The following GPHN variants were observed in gnomAD, a reference collection of about 807,000 sequenced individuals.
GPHN encodes gephyrin.
Under a neutral mutation model 95.5 loss-of-function variants are expected in GPHN, and 17 were observed. That is an observed-to-expected ratio of 0.18 (90% CI 0.12 to 0.27). The LOEUF (loss-of-function observed/expected upper bound fraction) is 0.27, where lower values mean the gene tolerates loss of function less well. Ranked by LOEUF, GPHN falls within the 10% of genes least tolerant of loss-of-function variation. GPHN has a pLI of 1.00. For synonymous variants in GPHN, 320 were observed against 322.5 expected (o/e 0.99, Z 0.08); for missense variants, 660 against 978.1 (o/e 0.67, Z 4.34).
At chr14:67,468,264 G>A in the GPHN span, among the ~76,000 whole-genome samples, 1 of 152,146 alleles carries the variant, frequency 6.6e-6, no homozygotes, top group Admixed American at 6.5e-5. Flanking sequence ...TTGAGCCACC[G>A]CACCTGGCCA....
chr14:67,288,023 G>C, the GPHN span, among the ~76,000 whole-genome samples: 1 of 152,288 alleles, frequency 6.6e-6, no homozygotes, highest in African/African-American at 2.4e-5. Context: ...ATTTCAGTCA[G>C]TGGTGAAATC....
intron 1 of GPHN, among the ~76,000 whole-genome samples, chr14:66,531,740 C>T (rs968006075): frequency 6.6e-6 from 1 of 152,120 alleles, no homozygotes; most frequent in Non-Finnish European, 1.5e-5. Flanking sequence ...GCTAAAACTA[C>T]TAAGTATTTA....
the GPHN span, chr14:67,224,043 A>C: frequency 1.1e-6 from 1 of 936,874 alleles, no homozygotes; most frequent in African/African-American, 1.8e-5. Flanking sequence ...CATCTGATTC[A>C]CATTCACCCA....
At chr14:67,591,413 A>C in the GPHN span, among the ~76,000 whole-genome samples, 4 of 152,238 alleles carry the variant, frequency 2.6e-5, no homozygotes, top group African/African-American at 4.8e-5. Flanking sequence ...TACAATGCAA[A>C]ATAATTTTTG....
intron 1 of GPHN, among the ~76,000 whole-genome samples, chr14:66,561,083 G>A (rs1157111599): frequency 1.3e-5 from 2 of 152,126 alleles, no homozygotes. Context: ...TGCATCCCAG[G>A]GATGAAGCCC....
intron 3 of GPHN, among the ~76,000 whole-genome samples, chr14:66,777,505 G>A (rs865958219): frequency 6.6e-5 from 10 of 152,074 alleles, no homozygotes; most frequent in Non-Finnish European, 1.3e-4. Flanking sequence ...CCAAAGCCGG[G>A]CAGAGACACA....
chr14:67,026,577 A>G (rs1440883334), intron 10 of GPHN, among the ~76,000 whole-genome samples: 1 of 152,222 alleles, frequency 6.6e-6, no homozygotes, highest in East Asian at 1.9e-4. Context: ...TGTATATGGT[A>G]AATGGTATAT....
chr14:67,717,330 T>C, the GPHN span, among the ~76,000 whole-genome samples: 2 of 152,270 alleles, frequency 1.3e-5, no homozygotes, highest in South Asian at 4.1e-4. Context: ...ATCCCAGCCA[T>C]TGTAGACTAA....
In GPHN at chr14:66,824,667, A is replaced by G. The variant is rs2061329142; in HGVS notation, c.294+101A>G. ...TATTATTTTTATAACTTTGCTAGGCATAACAAATGACTTGTAGTTCTAATA... is the reference window on the plus strand; with the variant it reads ...TATTATTTTTATAACTTTGCTAGGCGTAACAAATGACTTGTAGTTCTAATA... On this transcript the variant is annotated intron_variant, in intron 4 of 22. Coordinates refer to ENST00000478722, the MANE Select transcript of GPHN (RefSeq NM_020806.5). 3 of 644,110 alleles carry G rather than the reference A, an allele frequency of 4.7e-6. 1 individual carries two copies. In the South Asian group the frequency reaches 5.6e-5, roughly 12 times the overall value. The allele number at this position is 644,110 out of a possible 1,614,324, so 39.9% of individuals were successfully genotyped here.
chr14:66,959,021 T>C (rs768663931), intron 8 of GPHN, among the ~76,000 whole-genome samples: 6 of 152,154 alleles, frequency 3.9e-5, no homozygotes, highest in Non-Finnish European at 8.8e-5. Context: ...CCCTGGGAAT[T>C]ACAATTAACA....
intron 1 of GPHN, among the ~76,000 whole-genome samples, chr14:66,678,570 T>G (rs753987103): frequency 3.3e-5 from 5 of 152,048 alleles, no homozygotes; most frequent in Non-Finnish European, 7.4e-5. Context: ...TTTGTTAAGG[T>G]ATTTCATAGA....
chr14:67,592,632 C>T, the GPHN span: 1 of 1,564,062 alleles, frequency 6.4e-7, no homozygotes, highest in Non-Finnish European at 8.8e-7. Flanking sequence ...ATTCTATGCT[C>T]ACCTGGAAGA....
the GPHN span, chr14:67,734,119 C>T: frequency 1.2e-3 from 415 of 351,976 alleles, 2 homozygotes; most frequent in African/African-American, 8.1e-3. Context: ...TGGGCAGATC[C>T]CAGGCTGGGC....
chr14:67,668,257 A>G, the GPHN span, among the ~76,000 whole-genome samples: 1,556 of 152,348 alleles, frequency 0.01, 7 homozygotes, highest in Middle Eastern at 0.017. Context: ...AGCACATTAT[A>G]GTACTCTGAG....
chr14:67,705,173 T>C, the GPHN span, among the ~76,000 whole-genome samples: 13,424 of 152,236 alleles, frequency 0.088, 865 homozygotes, highest in East Asian at 0.23. Flanking sequence ...AATGATTTTA[T>C]AAGAAAGTTT....
chr14:67,301,213 CTGT>C, the GPHN span, among the ~76,000 whole-genome samples: 1 of 151,870 alleles, frequency 6.6e-6, no homozygotes, highest in East Asian at 1.9e-4. Flanking sequence ...ATAAGAAATA[CTGT>C]TGTTTTATCC....
rs184660410 is a variant in GPHN at position 67,169,847 on chromosome 14, C to T, written c.2079+811C>T. ...ATGCCAGCACTTCGGGAGGCCGAGG[C>T]AGGTGGATCACCTGAGGTCAGGAGT... is the stretch of plus-strand genomic sequence containing the variant. On this transcript the variant is annotated intron_variant, in intron 21 of 22. Coordinates refer to ENST00000478722, the MANE Select transcript of GPHN (RefSeq NM_020806.5). Among the ~76,000 whole-genome samples the T allele has an allele frequency of 5.2e-3, 795 of 152,336 alleles. 3 individuals are homozygous for T. The highest frequency in any genetic ancestry group is 0.037 in the Middle Eastern group (11 of 294).
At chr14:66,723,804 C>G (rs1042070444) in intron 2 of GPHN, among the ~76,000 whole-genome samples, 3 of 151,894 alleles carry the variant, frequency 2.0e-5, no homozygotes, top group Non-Finnish European at 4.4e-5. Context: ...TTTTATTTAC[C>G]AAAGATTATC....
intron 1 of GPHN, among the ~76,000 whole-genome samples, chr14:66,581,260 G>A (rs2061156637): frequency 6.6e-6 from 1 of 151,054 alleles, no homozygotes; most frequent in African/African-American, 2.4e-5. Flanking sequence ...ATTACTACAT[G>A]AAATCATAAA....
Sources: allele counts gnomAD v4.1 joint callset (sites outside exome capture counted in the v4.1 genomes callset), GRCh38; gene constraint gnomAD v4.1.1; transcripts MANE v1.5; gene names NCBI Gene and HGNC (gene_info 2026-07-23, HGNC 2026-07-21).